PLS1: variants seen among roughly 807,000 people sequenced by gnomAD.
PLS1 encodes plastin-1.
Under a neutral mutation model 73.7 loss-of-function variants are expected in PLS1, and 32 were observed. That is an observed-to-expected ratio of 0.43 (90% CI 0.33 to 0.58). The LOEUF (loss-of-function observed/expected upper bound fraction) is 0.58, where lower values mean the gene tolerates loss of function less well. Among genes scored for constraint, PLS1 ranks in the 20% least tolerant of loss-of-function variants. PLS1 has a pLI of 0.04. For missense variants in PLS1, 633 were observed against 740.5 expected, an observed-to-expected ratio of 0.85 and a Z score of 1.68; for synonymous variants, 217 against 261.3, an observed-to-expected ratio of 0.83 and a Z score of 1.63.
At position 142,621,978 on chromosome 3, in the gene PLS1, C is replaced by T. The variant is rs57087883; in HGVS notation, c.-37+25469C>T. ...ATCCAACTTTCTATGTAGGAATTCC[C>T]AAAGACAACAGCCTGTGTGCCTCCA... is the stretch of plus-strand genomic sequence containing the variant. On this transcript the variant is annotated intron_variant, in intron 1 of 15. Transcript: ENST00000457734. 7.5e-4 allele frequency among the ~76,000 whole-genome samples: 114 copies of T among 152,296 alleles called. 3 individuals are homozygous for T. In the South Asian group the frequency reaches 0.023, roughly 31 times the overall value.
intron 11 of PLS1, among the ~76,000 whole-genome samples, chr3:142,697,159 G>A (rs538991534): frequency 8.5e-5 from 13 of 152,214 alleles, no homozygotes; most frequent in African/African-American, 1.4e-4. Context: ...ACAGCCATAC[G>A]TTAACCTTCT....
intron 4 of PLS1, chr3:142,673,648 G>T: frequency 6.6e-6 from 1 of 152,412 alleles, no homozygotes. Context: ...TTGATTGCCA[G>T]GGTTGATTTG....
chr3:142,626,298 G>T (rs893547968), intron 1 of PLS1, among the ~76,000 whole-genome samples: 1 of 152,174 alleles, frequency 6.6e-6, no homozygotes, highest in Non-Finnish European at 1.5e-5. Flanking sequence ...ACATGGATTT[G>T]TTAGGGAGGA....
At chr3:142,625,189 A>C (rs865813497) in intron 1 of PLS1, among the ~76,000 whole-genome samples, 2 of 152,294 alleles carry the variant, frequency 1.3e-5, no homozygotes, top group South Asian at 2.1e-4. Context: ...GGTTAGGGAT[A>C]AACTGCAGAA....
intron 4 of PLS1, among the ~76,000 whole-genome samples, chr3:142,672,545 G>C (rs775322003): frequency 6.6e-6 from 1 of 151,632 alleles, no homozygotes; most frequent in Non-Finnish European, 1.5e-5. Flanking sequence ...GGGTTTCACC[G>C]TGTTAGCCAG....
At chr3:142,706,609 T>C (rs2038467615) in intron 14 of PLS1, among the ~76,000 whole-genome samples, 1 of 152,118 alleles carries the variant, frequency 6.6e-6, no homozygotes, top group Non-Finnish European at 1.5e-5. Context: ...CCAATCTGAA[T>C]GTAGTGAACA....
At chr3:142,634,170 A>G (rs1437356524) in intron 1 of PLS1, among the ~76,000 whole-genome samples, 1 of 152,214 alleles carries the variant, frequency 6.6e-6, no homozygotes, top group Admixed American at 6.5e-5. Context: ...TTAAAATAGC[A>G]GTAATTTGCA....
At chr3:142,692,482 T>C (rs909002520) in intron 10 of PLS1, among the ~76,000 whole-genome samples, 1 of 152,146 alleles carries the variant, frequency 6.6e-6, no homozygotes, top group Non-Finnish European at 1.5e-5. Flanking sequence ...GTTGCACAAA[T>C]GCATAGTGCC....
At chr3:142,608,705 T>C (rs909329855) in intron 1 of PLS1, among the ~76,000 whole-genome samples, 4 of 152,224 alleles carry the variant, frequency 2.6e-5, no homozygotes, top group Non-Finnish European at 5.9e-5. Flanking sequence ...ATATTTTTAC[T>C]GCCAGCCAAA....
chr3:142,649,354 G>A (rs1460842695), intron 1 of PLS1, among the ~76,000 whole-genome samples: 10 of 64,840 alleles, frequency 1.5e-4, no homozygotes, highest in Admixed American at 2.2e-4. Flanking sequence ...AAAAAAAAAA[G>A]GCCAGGCATG....
Position 142,712,164 on chromosome 3 carries a change from G to T in PLS1, c.*157G>T. On this transcript the variant is annotated 3_prime_UTR_variant, in exon 16 of 16. Transcript: ENST00000457734. ...CAATATCCTGTTCATACTAGTTAGA[G>T]CTGGTCAGCCTTTTTGGGTAACACA... is the stretch of plus-strand genomic sequence containing the variant. 1 of 611,714 alleles carries T rather than the reference G, an allele frequency of 1.6e-6. No homozygotes were observed. The highest frequency in any genetic ancestry group is 2.8e-5 in the South Asian group (1 of 35,520). 37.9% of individuals were successfully genotyped at this position (611,714 alleles called of 1,614,324 possible). A position where few individuals can be genotyped will look rare whatever the true frequency, so the allele number is the denominator to read the frequency against.
chr3:142,690,981 G>T (rs2107913701), intron 10 of PLS1, among the ~76,000 whole-genome samples: 1 of 152,240 alleles, frequency 6.6e-6, no homozygotes, highest in South Asian at 2.1e-4. Flanking sequence ...AGAAAGCAGG[G>T]ATTCTTCTTG....
rs752328907 is a variant in PLS1 at position 142,711,947 on chromosome 3, A to G, written c.1830A>G (p.Pro610=). The G allele has an allele frequency of 8.7e-6, 14 of 1,613,360 alleles. No individual in the cohort carries two copies. In the Middle Eastern group the frequency reaches 4.9e-4, roughly 57 times the overall value. The change falls in exon 16 of 16, where the codon CCA becomes CCG. Residue 610 remains proline (P), a synonymous_variant. Transcript: ENST00000457734. ...CTGATGACCTCGTAGAAGTGAAACC[A>G]AAGATGGTTATGACGGTGTTTGCAT... is the stretch of plus-strand genomic sequence containing the variant. ...ALPDDLVEVK[P]KMVMTVFACL...
chr3:142,616,487 G>T (rs1192122748), intron 1 of PLS1, among the ~76,000 whole-genome samples: 1 of 152,036 alleles, frequency 6.6e-6, no homozygotes, highest in Non-Finnish European at 1.5e-5. Flanking sequence ...TTTTCTAGTT[G>T]TGACCCCAAC....
At chr3:142,655,287 A>G (rs1459714263) in intron 1 of PLS1, among the ~76,000 whole-genome samples, 1 of 152,220 alleles carries the variant, frequency 6.6e-6, no homozygotes, top group Non-Finnish European at 1.5e-5. Context: ...AGTGGAGAAC[A>G]GAGACCGCAT....
intron 1 of PLS1, among the ~76,000 whole-genome samples, chr3:142,597,618 G>A (rs1023233365): frequency 6.6e-6 from 1 of 152,164 alleles, no homozygotes; most frequent in Admixed American, 6.5e-5. Flanking sequence ...AGTTTTGGCT[G>A]TAGAGACCTT....
intron 14 of PLS1, among the ~76,000 whole-genome samples, chr3:142,708,050 G>T (rs1368991119): frequency 6.6e-6 from 1 of 151,966 alleles, no homozygotes; most frequent in Non-Finnish European, 1.5e-5. Flanking sequence ...ATTGTTGTTA[G>T]ACTACATAAG....
chr3:142,690,687 A>G (rs1039811074), intron 10 of PLS1, among the ~76,000 whole-genome samples: 3 of 152,246 alleles, frequency 2.0e-5, no homozygotes, highest in East Asian at 1.9e-4. Context: ...TTTAGGTTCT[A>G]TAACATATTA....
chr3:142,711,074 TGTAA>T lies in PLS1; in HGVS notation c.1630-424_1630-421del, dbSNP rs753915790. ...ATGTAAAACAACAAGACAATGTCTT[TGTAA>T]GTGTTAGTTCCCTTTCACTATTTCA... On this transcript the variant is annotated intron_variant, in intron 14 of 15. Coordinates refer to ENST00000457734, the MANE Select transcript of PLS1 (RefSeq NM_001145319.2). Among the ~76,000 whole-genome samples the T allele has an allele frequency of 1.7e-4, 26 of 152,212 alleles. 1 individual carries two copies. The highest frequency in any genetic ancestry group is 2.9e-5 in the Non-Finnish European group (2 of 68,030).
Sources: gnomAD v4.1 joint callset for allele counts (sites outside exome capture counted in the v4.1 genomes callset) on GRCh38, gnomAD v4.1.1 for gene constraint, MANE v1.5 for transcripts, NCBI Gene and HGNC (gene_info 2026-07-23, HGNC 2026-07-21) for gene names.